TOX: variants seen among roughly 807,000 people sequenced by gnomAD.
TOX encodes thymocyte selection associated high mobility group box.
Under a neutral mutation model 53.7 loss-of-function variants are expected in TOX, and 11 were observed. The ratio of observed to expected loss-of-function variants is 0.20; its 90% CI spans 0.13 to 0.34. The LOEUF (loss-of-function observed/expected upper bound fraction) is 0.34, where lower values mean the gene tolerates loss of function less well. Among genes scored for constraint, TOX ranks in the 10% least tolerant of loss-of-function variants. The pLI is 1.00. For synonymous variants in TOX, 225 were observed against 245.3 expected, an observed-to-expected ratio of 0.92 and a Z score of 0.77; for missense variants, 570 against 664.6, an observed-to-expected ratio of 0.86 and a Z score of 1.56.
At position 58,838,216 on chromosome 8, in the gene TOX, C is replaced by T. The variant is rs1163031574; in HGVS notation, c.789G>A (p.Lys263=). Residue 263 remains lysine, a synonymous_variant, in exon 5 of 9, where the codon AAG becomes AAA. Coordinates refer to ENST00000361421, the MANE Select transcript of TOX (RefSeq NM_014729.3). The stretch of plus-strand genomic sequence containing the variant: ...AGAATAACGCATAGGCAGACACAGG[C>T]TTCTGGGGCTCATTGGGATCCTTCT... ...KKKKDPNEPQ[K]PVSAYALFFR... is the part of the protein sequence containing the mutation. 6.2e-6 allele frequency: 10 copies of T among 1,614,190 alleles called. No homozygotes were observed. The highest frequency in any genetic ancestry group is 2.2e-5 in the East Asian group (1 of 44,888).
At chr8:59,074,678 A>G (rs16924571) in intron 1 of TOX, among the ~76,000 whole-genome samples, 2,426 of 152,308 alleles carry the variant, frequency 0.016, 58 homozygotes, top group African/African-American at 0.055. Context: ...GGTGAATTGG[A>G]ATCTCAAGAT....
chr8:58,995,383 T>A (rs34810524), intron 1 of TOX, among the ~76,000 whole-genome samples: 1 of 152,248 alleles, frequency 6.6e-6, no homozygotes, highest in African/African-American at 2.4e-5. Flanking sequence ...CCCAAATTTC[T>A]TTTGATTTTA....
intron 1 of TOX, among the ~76,000 whole-genome samples, chr8:59,116,817 C>T (rs533027966): frequency 4.0e-4 from 61 of 152,238 alleles, no homozygotes; most frequent in Non-Finnish European, 6.2e-4. Flanking sequence ...GAACAGTTTG[C>T]TTCTTATACA....
At chr8:59,115,390 A>C (rs1805084779) in intron 1 of TOX, among the ~76,000 whole-genome samples, 1 of 152,244 alleles carries the variant, frequency 6.6e-6, no homozygotes, top group African/African-American at 2.4e-5. Flanking sequence ...ATGACGCTGC[A>C]CTAAGAAACT....
intron 3 of TOX, among the ~76,000 whole-genome samples, chr8:58,936,836 G>A (rs547658813): frequency 7.9e-5 from 12 of 152,268 alleles, no homozygotes; most frequent in Non-Finnish European, 1.2e-4. Context: ...CATCATTAAC[G>A]AGACCTATAC....
At chr8:58,843,453 A>G (rs1173969387) in intron 4 of TOX, among the ~76,000 whole-genome samples, 10 of 152,208 alleles carry the variant, frequency 6.6e-5, no homozygotes, top group Non-Finnish European at 2.9e-5. Context: ...CATATGGGGG[A>G]AAAACTATGA....
rs150154358 is a variant in TOX at position 58,987,477 on chromosome 8, T to C, written c.103-27469A>G. ...GTTAGCCCTTCGTTTGTAATATAGA[T>C]GGCACAAGTACCAACTTTGAAGGTA... On this transcript the variant is annotated intron_variant, in intron 1 of 8. Transcript: ENST00000361421. Among the ~76,000 whole-genome samples, 63 of 152,262 alleles carry C rather than the reference T, an allele frequency of 4.1e-4. No homozygotes were observed. The East Asian group carries it at 0.011, about 26-fold the overall frequency.
At chr8:58,896,018 G>C (rs1162203223) in intron 3 of TOX, among the ~76,000 whole-genome samples, 1 of 152,188 alleles carries the variant, frequency 6.6e-6, no homozygotes, top group Non-Finnish European at 1.5e-5. Flanking sequence ...TGAAGGAGTA[G>C]TTAATAAATA....
chr8:58,891,358 G>A (rs1197325128), intron 3 of TOX, among the ~76,000 whole-genome samples: 1 of 152,106 alleles, frequency 6.6e-6, no homozygotes, highest in African/African-American at 2.4e-5. Flanking sequence ...AAAGAGCAGG[G>A]GAGGAGTTTT....
intron 3 of TOX, among the ~76,000 whole-genome samples, chr8:58,901,349 T>A (rs923345843): frequency 1.3e-5 from 2 of 152,214 alleles, no homozygotes; most frequent in Admixed American, 1.3e-4. Flanking sequence ...CATTCTTTGG[T>A]GCTGTTACAA....
intron 1 of TOX, among the ~76,000 whole-genome samples, chr8:59,090,682 T>A (rs1337703152): frequency 1.3e-5 from 2 of 152,144 alleles, no homozygotes; most frequent in African/African-American, 4.8e-5. Flanking sequence ...TTCTTGCTTT[T>A]GGTTAGCTCC....
intron 1 of TOX, among the ~76,000 whole-genome samples, chr8:59,057,067 G>C (rs1803900864): frequency 1.3e-5 from 2 of 152,118 alleles, no homozygotes; most frequent in South Asian, 4.1e-4. Flanking sequence ...TGTCTCCCAA[G>C]CTCAGCTCAC....
intron 1 of TOX, among the ~76,000 whole-genome samples, chr8:58,980,730 T>C (rs1813190549): frequency 6.6e-6 from 1 of 152,158 alleles, no homozygotes; most frequent in African/African-American, 2.4e-5. Flanking sequence ...CATTTGGATC[T>C]GCCCTTCTTC....
intron 1 of TOX, among the ~76,000 whole-genome samples, chr8:58,990,323 A>G (rs1012661164): frequency 6.6e-6 from 1 of 152,040 alleles, no homozygotes; most frequent in Non-Finnish European, 1.5e-5. Context: ...TCCTGCTGAG[A>G]CTTGTTTTTT....
chr8:58,933,357 A>G (rs1287385372), intron 3 of TOX, among the ~76,000 whole-genome samples: 1 of 152,190 alleles, frequency 6.6e-6, no homozygotes, highest in African/African-American at 2.4e-5. Flanking sequence ...TGGAGAAATC[A>G]AAGGATTTTT....
chr8:58,941,697 G>T (rs758812223), intron 2 of TOX, among the ~76,000 whole-genome samples: 3 of 152,056 alleles, frequency 2.0e-5, no homozygotes, highest in Admixed American at 6.5e-5. Flanking sequence ...TAATTTGTCT[G>T]TCAACACTGC....
At chr8:59,113,029 G>T (rs1311148287) in intron 1 of TOX, among the ~76,000 whole-genome samples, 1 of 152,208 alleles carries the variant, frequency 6.6e-6, no homozygotes, top group African/African-American at 2.4e-5. Context: ...AGGGTGGTAA[G>T]TGATCTAAAT....
At chr8:58,940,605 T>G (rs970457441) in intron 2 of TOX, among the ~76,000 whole-genome samples, 3 of 152,188 alleles carry the variant, frequency 2.0e-5, no homozygotes, top group Admixed American at 6.5e-5. Context: ...TCTTTCAAAT[T>G]AAGAGTGAGC....
intron 1 of TOX, among the ~76,000 whole-genome samples, chr8:59,044,997 A>G (rs1803658830): frequency 6.6e-6 from 1 of 152,236 alleles, no homozygotes; most frequent in Non-Finnish European, 1.5e-5. Context: ...TTTAACCTAC[A>G]CATATCATTT....
Sources: gnomAD v4.1 joint callset for allele counts (sites outside exome capture counted in the v4.1 genomes callset) on GRCh38, gnomAD v4.1.1 for gene constraint, MANE v1.5 for transcripts, NCBI Gene and HGNC (gene_info 2026-07-23, HGNC 2026-07-21) for gene names.